KLF12: variants seen among roughly 807,000 people sequenced by gnomAD.
The protein encoded by KLF12 is KLF transcription factor 12.
KLF12 carries 9 observed loss-of-function variants against 37.8 expected under a neutral mutation model. The ratio of observed to expected loss-of-function variants is 0.24; its 90% CI spans 0.14 to 0.42. KLF12 has a LOEUF of 0.42. KLF12 is among the 10% of genes least tolerant of loss of function. The probability of loss-of-function intolerance (pLI) is 1.00; values close to 1 mark genes in which losing one functional copy is unlikely to be tolerated. For missense variants in KLF12, 411 were observed against 516.0 expected (o/e 0.80, Z 1.97); for synonymous variants, 208 against 202.1 (o/e 1.03, Z -0.25).
chr13:74,103,735 A>C (rs566381472), intron 1 of KLF12, among the ~76,000 whole-genome samples: 1 of 152,302 alleles, frequency 6.6e-6, no homozygotes, highest in African/African-American at 2.4e-5. Flanking sequence ...GGTCACTATG[A>C]ATATGTACTG....
intron 3 of KLF12, among the ~76,000 whole-genome samples, chr13:73,876,598 C>T (rs914581255): frequency 3.3e-5 from 5 of 152,268 alleles, no homozygotes; most frequent in Non-Finnish European, 4.4e-5. Context: ...CATTCATTTA[C>T]GTGGCTTATA....
At chr13:73,714,820 T>C (rs1875676711) in intron 7 of KLF12, among the ~76,000 whole-genome samples, 1 of 152,150 alleles carries the variant, frequency 6.6e-6, no homozygotes, top group Admixed American at 6.5e-5. Flanking sequence ...CAATTTCCTT[T>C]TCTGTAAACT....
the KLF12 span, among the ~76,000 whole-genome samples, chr13:74,278,132 C>T: frequency 4.6e-5 from 7 of 152,160 alleles, no homozygotes; most frequent in Admixed American, 4.6e-4. Context: ...ACGTCCACCA[C>T]CTCTGGCTTC....
chr13:74,174,505 C>T, the KLF12 span, among the ~76,000 whole-genome samples: 275 of 152,148 alleles, frequency 1.8e-3, 1 homozygote, highest in African/African-American at 5.0e-3. Context: ...TCCCAAAGTG[C>T]TGGGATTACA....
At chr13:73,817,202 C>T (rs1046542427) in intron 4 of KLF12, among the ~76,000 whole-genome samples, 7 of 151,662 alleles carry the variant, frequency 4.6e-5, no homozygotes, top group Non-Finnish European at 2.9e-5. Flanking sequence ...CCTGTAGTCC[C>T]AGCTAGTTGG....
chr13:73,895,581 G>A (rs1306296499), intron 3 of KLF12, among the ~76,000 whole-genome samples: 1 of 152,066 alleles, frequency 6.6e-6, no homozygotes, highest in Non-Finnish European at 1.5e-5. Flanking sequence ...TGAAGACAAG[G>A]GTTACAGGGT....
chr13:74,092,168 G>T lies in KLF12; in HGVS notation c.-32+41571C>A, dbSNP rs770824360. ...AAAAATTAGCTGGGTGTGGTGGCGGGTGCCTGTAGTCCCAGCTATCTGGGA... is the reference window on the plus strand; with the variant it reads ...AAAAATTAGCTGGGTGTGGTGGCGGTTGCCTGTAGTCCCAGCTATCTGGGA... On this transcript the variant is annotated intron_variant, in intron 1 of 7. Coordinates refer to ENST00000377669, the MANE Select transcript of KLF12 (RefSeq NM_007249.5). 1.8e-3 allele frequency among the ~76,000 whole-genome samples: 268 copies of T among 149,274 alleles called. 2 individuals carry two copies. Among genetic ancestry groups the T allele is most frequent in the Non-Finnish European group, 1.1e-3 (72 of 67,222 alleles).
intron 3 of KLF12, among the ~76,000 whole-genome samples, chr13:73,932,146 A>G (rs1889715665): frequency 6.6e-6 from 1 of 152,210 alleles, no homozygotes; most frequent in Non-Finnish European, 1.5e-5. Flanking sequence ...TCATGAATTT[A>G]CTGAAAAAGA....
chr13:73,814,559 C>T (rs551816318), intron 4 of KLF12, among the ~76,000 whole-genome samples: 12 of 152,196 alleles, frequency 7.9e-5, no homozygotes, highest in Admixed American at 7.2e-4. Context: ...CGTGTGCACC[C>T]GTGTATTTGA....
chr13:74,137,677 G>A (rs527878993), upstream of KLF12, among the ~76,000 whole-genome samples: 1 of 152,250 alleles, frequency 6.6e-6, no homozygotes, highest in Admixed American at 6.5e-5. Context: ...CTTTTTGCCA[G>A]CTCTTCTTAT....
intron 3 of KLF12, among the ~76,000 whole-genome samples, chr13:73,894,347 T>C (rs1887656429): frequency 6.6e-6 from 1 of 152,198 alleles, no homozygotes; most frequent in Non-Finnish European, 1.5e-5. Flanking sequence ...AATGAAATGA[T>C]GCCCTGTAAG....
the KLF12 span, among the ~76,000 whole-genome samples, chr13:74,153,083 T>G: frequency 6.6e-6 from 1 of 152,080 alleles, no homozygotes; most frequent in Non-Finnish European, 1.5e-5. Context: ...ATATGTTGGG[T>G]TTAATTTTCA....
At chr13:74,250,890 G>C in the KLF12 span, among the ~76,000 whole-genome samples, 1 of 152,156 alleles carries the variant, frequency 6.6e-6, no homozygotes, top group Non-Finnish European at 1.5e-5. Context: ...AACATTCAAA[G>C]AATAATTAAT....
intron 5 of KLF12, among the ~76,000 whole-genome samples, chr13:73,789,459 G>A (rs970976838): frequency 6.6e-6 from 1 of 152,084 alleles, no homozygotes; most frequent in Non-Finnish European, 1.5e-5. Context: ...AGACCTGGGA[G>A]CCAGAAAACG....
intron 3 of KLF12, among the ~76,000 whole-genome samples, chr13:73,876,230 C>A (rs924592724): frequency 6.6e-6 from 1 of 152,102 alleles, no homozygotes; most frequent in Non-Finnish European, 1.5e-5. Flanking sequence ...CTTCACACTA[C>A]CACAGATTAT....
chr13:73,817,819 C>T (rs886344814), intron 4 of KLF12, among the ~76,000 whole-genome samples: 11 of 152,266 alleles, frequency 7.2e-5, no homozygotes, highest in Admixed American at 5.2e-4. Flanking sequence ...CTGCATATGC[C>T]GTAGGGTGAA....
At chr13:73,921,632 GTAA>G (rs1251370105) in intron 3 of KLF12, among the ~76,000 whole-genome samples, 1 of 152,048 alleles carries the variant, frequency 6.6e-6, no homozygotes, top group Non-Finnish European at 1.5e-5. Context: ...ATGCAAAAAT[GTAA>G]TAATACATGT....
the KLF12 span, among the ~76,000 whole-genome samples, chr13:74,140,958 G>A: frequency 0.012 from 5 of 410 alleles, no homozygotes; most frequent in Admixed American, 0.13. Context: ...CGGGGGGTGG[G>A]GGGTGCTGAG....
intron 3 of KLF12, among the ~76,000 whole-genome samples, chr13:73,943,691 A>AT (rs1398844476): frequency 1.3e-5 from 2 of 152,078 alleles, no homozygotes; most frequent in Non-Finnish European, 2.9e-5. Context: ...TTTGCTTTGG[A>AT]TTTTTATTAG....
Sources: gnomAD v4.1 joint callset for allele counts (sites outside exome capture counted in the v4.1 genomes callset) on GRCh38, gnomAD v4.1.1 for gene constraint, MANE v1.5 for transcripts, NCBI Gene and HGNC (gene_info 2026-07-23, HGNC 2026-07-21) for gene names.